Variants in CTNNA3 observed in about 807,000 individuals in gnomAD.
CTNNA3 encodes the protein catenin alpha-3.
Under a neutral mutation model 95.7 loss-of-function variants are expected in CTNNA3, and 76 were observed. The observed-to-expected ratio is 0.79, with a 90% CI of 0.66 to 0.96. The LOEUF is 0.96. CTNNA3 is among the 40% of genes least tolerant of loss of function. The probability of loss-of-function intolerance (pLI) is 0.00; values close to 1 mark genes in which losing one functional copy is unlikely to be tolerated. For synonymous variants in CTNNA3, 431 were observed against 374.4 expected (o/e 1.15, Z -1.74); for missense variants, 1,191 against 1,089.8 (o/e 1.09, Z -1.31).
intron 12 of CTNNA3, among the ~76,000 whole-genome samples, chr10:66,321,239 A>G (rs2092180753): frequency 6.6e-6 from 1 of 152,062 alleles, no homozygotes; most frequent in Admixed American, 6.5e-5. Flanking sequence ...TAGTTATAAC[A>G]TGTTAGAAGA....
intron 5 of CTNNA3, among the ~76,000 whole-genome samples, chr10:67,519,597 C>T (rs1237130184): frequency 2.0e-5 from 3 of 152,104 alleles, no homozygotes; most frequent in African/African-American, 4.8e-5. Flanking sequence ...ATAATATTTA[C>T]TGAGGATTTG....
chr10:67,571,299 CTGTT>C (rs1231440345), intron 3 of CTNNA3, among the ~76,000 whole-genome samples: 1 of 152,090 alleles, frequency 6.6e-6, no homozygotes, highest in South Asian at 2.1e-4. Context: ...TATTTGTTGA[CTGTT>C]TGATAATTGT....
chr10:66,088,967 T>TA (rs551332915), intron 14 of CTNNA3, among the ~76,000 whole-genome samples: 36 of 152,106 alleles, frequency 2.4e-4, no homozygotes, highest in Non-Finnish European at 4.4e-4. Flanking sequence ...AATCTATTTC[T>TA]ATGAATATAT....
At chr10:65,967,515 T>A (rs1291629759) in intron 16 of CTNNA3, among the ~76,000 whole-genome samples, 1 of 152,226 alleles carries the variant, frequency 6.6e-6, no homozygotes, top group Non-Finnish European at 1.5e-5. Flanking sequence ...CAACATAATA[T>A]GTTCTACTAC....
At chr10:66,664,830 G>A (rs371621470) in intron 9 of CTNNA3, among the ~76,000 whole-genome samples, 2 of 147,992 alleles carry the variant, frequency 1.4e-5, no homozygotes, top group Non-Finnish European at 3.0e-5. Flanking sequence ...TTGTCCTTAC[G>A]ACAATATTAT....
intron 5 of CTNNA3, among the ~76,000 whole-genome samples, chr10:67,251,192 A>C (rs1866094111): frequency 1.3e-5 from 2 of 152,250 alleles, no homozygotes; most frequent in South Asian, 4.1e-4. Flanking sequence ...AACGTGGATG[A>C]ATCTTGAAAA....
chr10:67,529,886 G>A (rs563452151), intron 4 of CTNNA3, among the ~76,000 whole-genome samples: 8 of 152,148 alleles, frequency 5.3e-5, no homozygotes, highest in South Asian at 2.1e-4. Context: ...GGAGGAACCC[G>A]GTGGGAGGTG....
intron 7 of CTNNA3, among the ~76,000 whole-genome samples, chr10:67,091,745 A>T (rs112700237): frequency 6.6e-6 from 1 of 152,036 alleles, no homozygotes; most frequent in African/African-American, 2.4e-5. Flanking sequence ...CTGGCAAATC[A>T]TGGGACATTT....
intron 9 of CTNNA3, among the ~76,000 whole-genome samples, chr10:66,727,009 A>G (rs1848802791): frequency 6.6e-6 from 1 of 152,146 alleles, no homozygotes; most frequent in Admixed American, 6.5e-5. Context: ...CATGTTTAAA[A>G]GCACCAGCAT....
chr10:66,717,457 G>T (rs1001748418), intron 9 of CTNNA3, among the ~76,000 whole-genome samples: 2 of 152,092 alleles, frequency 1.3e-5, no homozygotes, highest in African/African-American at 2.4e-5. Context: ...TTCTAGACTG[G>T]AAGTTCCTTG....
In CTNNA3 at chr10:66,645,813, C is replaced by T. The variant is rs541813807; in HGVS notation, c.1282-24029G>A. Among the ~76,000 whole-genome samples, 50 of 152,238 alleles carry T rather than the reference C, an allele frequency of 3.3e-4. 2 individuals carry two copies. In the South Asian group the frequency reaches 9.4e-3, roughly 28 times the overall value. On this transcript the variant is annotated intron_variant, in intron 9 of 17. Coordinates refer to ENST00000433211, the MANE Select transcript of CTNNA3 (RefSeq NM_013266.4). ...GGCACAGTTTCATCTTGAAAACACCCCTGCCTCCACTCACTATCCGTGGAA... is the reference window on the plus strand; with the variant it reads ...GGCACAGTTTCATCTTGAAAACACCTCTGCCTCCACTCACTATCCGTGGAA...
intron 7 of CTNNA3, among the ~76,000 whole-genome samples, chr10:67,044,264 T>C (rs1242459659): frequency 6.6e-6 from 1 of 152,126 alleles, no homozygotes; most frequent in Non-Finnish European, 1.5e-5. Context: ...ATCCAATTGA[T>C]TATAGCCTAA....
intron 7 of CTNNA3, among the ~76,000 whole-genome samples, chr10:67,065,384 A>G (rs1856013366): frequency 6.6e-6 from 1 of 152,216 alleles, no homozygotes; most frequent in Admixed American, 6.5e-5. Context: ...TAATAAAGGT[A>G]TAAGGGCATT....
intron 12 of CTNNA3, among the ~76,000 whole-genome samples, chr10:66,294,302 A>C (rs1177322780): frequency 6.6e-6 from 1 of 152,174 alleles, no homozygotes; most frequent in Non-Finnish European, 1.5e-5. Context: ...TGTTCCAATG[A>C]GAGTGTCTCA....
intron 13 of CTNNA3, among the ~76,000 whole-genome samples, chr10:66,197,495 C>G (rs2087042514): frequency 1.3e-5 from 2 of 152,288 alleles, no homozygotes; most frequent in South Asian, 4.1e-4. Flanking sequence ...TTTATCATAA[C>G]TAACCTCTAA....
chr10:67,329,472 C>T (rs1841690308), intron 5 of CTNNA3, among the ~76,000 whole-genome samples: 1 of 152,168 alleles, frequency 6.6e-6, no homozygotes, highest in Non-Finnish European at 1.5e-5. Flanking sequence ...TACCTTGATA[C>T]TTGTAAGTTG....
intron 5 of CTNNA3, among the ~76,000 whole-genome samples, chr10:67,386,503 C>T (rs531257588): frequency 1.3e-5 from 2 of 152,304 alleles, no homozygotes; most frequent in South Asian, 4.1e-4. Context: ...TACCTAAGAT[C>T]TGACTTCAAC....
intron 5 of CTNNA3, among the ~76,000 whole-genome samples, chr10:67,390,276 C>A (rs1211358676): frequency 1.3e-5 from 2 of 152,100 alleles, no homozygotes; most frequent in Non-Finnish European, 2.9e-5. Flanking sequence ...ACTACAAACA[C>A]CTCTATGCAA....
chr10:66,755,520 G>A (rs555145764), intron 9 of CTNNA3, among the ~76,000 whole-genome samples: 1 of 152,142 alleles, frequency 6.6e-6, no homozygotes, highest in East Asian at 1.9e-4. Flanking sequence ...AGCATTATGA[G>A]ATAATATTAC....
Sources: allele counts gnomAD v4.1 joint callset (sites outside exome capture counted in the v4.1 genomes callset), GRCh38; gene constraint gnomAD v4.1.1; transcripts MANE v1.5; gene names NCBI Gene and HGNC (gene_info 2026-07-23, HGNC 2026-07-21).